The following COL5A1 variants were observed in gnomAD, a reference collection of about 807,000 sequenced individuals.
The protein encoded by COL5A1 is collagen alpha-1(V) chain.
Under a neutral mutation model 263.7 loss-of-function variants are expected in COL5A1, and 16 were observed. The ratio of observed to expected loss-of-function variants is 0.06; its 90% CI spans 0.04 to 0.09. The LOEUF (loss-of-function observed/expected upper bound fraction) is 0.09. Ranked by LOEUF, COL5A1 falls within the 10% of genes least tolerant of loss-of-function variation. The probability of loss-of-function intolerance (pLI) is 1.00; values close to 1 mark genes in which losing one functional copy is unlikely to be tolerated. For missense variants in COL5A1, 2,036 were observed against 2,540.5 expected, an observed-to-expected ratio of 0.80 and a Z score of 4.27; for synonymous variants, 1,012 against 1,004.5, an observed-to-expected ratio of 1.01 and a Z score of -0.14.
At chr9:134,650,653 A>G (rs1481444147) in intron 1 of COL5A1, among the ~76,000 whole-genome samples, 2 of 152,256 alleles carry the variant, frequency 1.3e-5, no homozygotes, top group Non-Finnish European at 2.9e-5. Context: ...GGCGGTGGCC[A>G]GTCAGAGACC....
chr9:134,833,530 C>G (rs1839729351), intron 64 of COL5A1, among the ~76,000 whole-genome samples: 2 of 152,306 alleles, frequency 1.3e-5, no homozygotes, highest in South Asian at 4.1e-4. Context: ...TCTCAGGAAG[C>G]CTGCTCACTG....
Position 134,756,686 on chromosome 9 carries a change from T to G in COL5A1, c.1828-79T>G, listed in dbSNP as rs112173023. Reference sequence around the variant, plus strand: ...GGCTCTGGTGGAACGCTCAACTTGGTTTAACGGAAAACCATGGCCCGGGGG... The same window carrying G: ...GGCTCTGGTGGAACGCTCAACTTGGGTTAACGGAAAACCATGGCCCGGGGG... On this transcript the variant is annotated intron_variant, in intron 16 of 65. Transcript: ENST00000371817. The G allele has an allele frequency of 2.2e-3, 3,322 of 1,494,488 alleles. 64 individuals carry two copies. In the African/African-American group the frequency reaches 0.04, roughly 18 times the overall value. 92.6% of individuals were successfully genotyped at this position (1,494,488 alleles called of 1,614,324 possible). A position where few individuals can be genotyped will look rare whatever the true frequency, so the allele number is the denominator to read the frequency against.
chr9:134,808,988 A>C (rs1329431906), intron 42 of COL5A1, 195 bp from the exon 43 acceptor site: 3 of 631,652 alleles, frequency 4.7e-6, no homozygotes, highest in Middle Eastern at 3.4e-4. Context: ...GCGATGCACC[A>C]GAAGTTCATG....
intron 4 of COL5A1, among the ~76,000 whole-genome samples, chr9:134,718,604 C>T (rs1344703129): frequency 1.3e-5 from 2 of 152,182 alleles, no homozygotes; most frequent in African/African-American, 2.4e-5. Flanking sequence ...TGCCCCTGCT[C>T]CTAGGGCTGT....
intron 64 of COL5A1, among the ~76,000 whole-genome samples, chr9:134,831,319 T>A (rs1423524302): frequency 2.6e-5 from 4 of 152,222 alleles, no homozygotes; most frequent in Admixed American, 1.3e-4. Context: ...TTGCAGACAC[T>A]CCGAGGGTCT....
chr9:134,707,001 C>T lies in COL5A1; in HGVS notation c.654+5668C>T, dbSNP rs187906992. On this transcript the variant is annotated intron_variant, in intron 4 of 65. Transcript: ENST00000371817. ...GATCCGGAGGGCTCCATGCACCTCT[C>T]TAGAGTCTCACCTCATCTATGGGCC... Among the ~76,000 whole-genome samples the T allele has an allele frequency of 5.7e-3, 862 of 152,340 alleles. 8 individuals are homozygous for T. The highest frequency in any genetic ancestry group is 0.02 in the African/African-American group (820 of 41,574).
At chr9:134,740,348 T>G (rs7019513) in intron 11 of COL5A1, among the ~76,000 whole-genome samples, 4 of 152,050 alleles carry the variant, frequency 2.6e-5, no homozygotes, top group Non-Finnish European at 4.4e-5. Context: ...GGAGACCCCT[T>G]CCCCCAGATT....
chr9:134,753,556 G>A (rs1835865775), intron 14 of COL5A1, among the ~76,000 whole-genome samples: 1 of 152,200 alleles, frequency 6.6e-6, no homozygotes, highest in Non-Finnish European at 1.5e-5. Flanking sequence ...CCACGGTCAG[G>A]TTCACCCCGG....
chr9:134,667,367 G>A (rs1175840036), intron 1 of COL5A1, among the ~76,000 whole-genome samples: 1 of 152,218 alleles, frequency 6.6e-6, no homozygotes, highest in Non-Finnish European at 1.5e-5. Context: ...TGACCACCAG[G>A]GCCTTCTTCA....
chr9:134,840,288 C>T (rs1033259269), intron 65 of COL5A1, among the ~76,000 whole-genome samples: 2 of 152,138 alleles, frequency 1.3e-5, no homozygotes, highest in Non-Finnish European at 2.9e-5. Flanking sequence ...GTGTTCCTAT[C>T]AAGGCAGGGT....
chr9:134,666,502 G>A (rs1832362354), intron 1 of COL5A1, among the ~76,000 whole-genome samples: 1 of 152,218 alleles, frequency 6.6e-6, no homozygotes, highest in Non-Finnish European at 1.5e-5. Context: ...GGCTTCAGGG[G>A]ACTCGTTCTC....
chr9:134,687,219 C>T (rs1330819160), intron 1 of COL5A1, among the ~76,000 whole-genome samples: 1 of 152,190 alleles, frequency 6.6e-6, no homozygotes, highest in African/African-American at 2.4e-5. Context: ...GAGGCTGCCA[C>T]CTCCCTCTCA....
At chr9:134,760,749 CACA>C (rs1836375445) in intron 18 of COL5A1, among the ~76,000 whole-genome samples, 2 of 142,324 alleles carry the variant, frequency 1.4e-5, no homozygotes, top group East Asian at 2.4e-4. Flanking sequence ...CACATGCACA[CACA>C]CCCCACACAT....
At chr9:134,761,805 AG>A in intron 18 of COL5A1, 119 bp from the exon 19 acceptor site, 1 of 1,004,956 alleles carries the variant, frequency 1.0e-6, no homozygotes, top group Non-Finnish European at 1.6e-6. Context: ...CCATTCTGGA[AG>A]GGTCTTTTGA....
intron 43 of COL5A1, 34 bp from the exon 44 acceptor site, chr9:134,810,221 G>A (rs754614808): frequency 5.6e-6 from 9 of 1,612,806 alleles, no homozygotes; most frequent in Non-Finnish European, 7.6e-6. Flanking sequence ...CGGTTGTCAA[G>A]CTTTCTAACC....
chr9:134,819,376 G>A (rs1055479277), intron 57 of COL5A1, among the ~76,000 whole-genome samples: 6 of 152,248 alleles, frequency 3.9e-5, no homozygotes, highest in South Asian at 2.1e-4. Flanking sequence ...TGGGCTGAGC[G>A]GCCCCAGATC....
chr9:134,808,670 A>C (rs1838393633), intron 42 of COL5A1, among the ~76,000 whole-genome samples: 1 of 152,254 alleles, frequency 6.6e-6, no homozygotes, highest in Admixed American at 6.5e-5. Context: ...AGGCGTGTTC[A>C]CATGTGTGCA....
At chr9:134,774,593 C>T (rs1227016540) in intron 26 of COL5A1, among the ~76,000 whole-genome samples, 2 of 152,230 alleles carry the variant, frequency 1.3e-5, no homozygotes, top group Non-Finnish European at 2.9e-5. Flanking sequence ...CAGCCTATCC[C>T]TTATTTCCCT....
chr9:134,658,080 A>T (rs140436214), intron 1 of COL5A1, among the ~76,000 whole-genome samples: 249 of 152,110 alleles, frequency 1.6e-3, no homozygotes, highest in African/African-American at 5.5e-3. Context: ...TGCCACCGTC[A>T]GGGGACGGTG....
Sources: gnomAD v4.1 joint callset for allele counts (sites outside exome capture counted in the v4.1 genomes callset) on GRCh38, gnomAD v4.1.1 for gene constraint, MANE v1.5 for transcripts, NCBI Gene and HGNC (gene_info 2026-07-23, HGNC 2026-07-21) for gene names.